The following SLC2A7 variants were observed in gnomAD, a reference collection of about 807,000 sequenced individuals.
SLC2A7 encodes solute carrier family 2 member 7.
SLC2A7 carries 50 observed loss-of-function variants against 50.5 expected under a neutral mutation model. The ratio of observed to expected loss-of-function variants is 0.99; its 90% CI spans 0.79 to 1.25. SLC2A7 has a LOEUF of 1.25. SLC2A7 is among the 50% of genes most tolerant of loss of function. The pLI is 0.00. For synonymous variants in SLC2A7, 308 were observed against 300.4 expected (o/e 1.03, Z -0.26); for missense variants, 683 against 679.1 (o/e 1.01, Z -0.06).
intron 2 of SLC2A7, among the ~76,000 whole-genome samples, chr1:9,024,060 T>C (rs1378443976): frequency 6.6e-6 from 1 of 151,996 alleles, no homozygotes; most frequent in East Asian, 1.9e-4. Context: ...TTCACCATGT[T>C]GGCCAGGCTG....
At chr1:9,009,094 A>T (rs1640702867) in intron 9 of SLC2A7, among the ~76,000 whole-genome samples, 1 of 152,206 alleles carries the variant, frequency 6.6e-6, no homozygotes, top group African/African-American at 2.4e-5. Flanking sequence ...AGGACAAGTC[A>T]TTGCAGAGAG....
chr1:9,018,989 C>T (rs1234035893), intron 4 of SLC2A7, among the ~76,000 whole-genome samples: 1 of 152,084 alleles, frequency 6.6e-6, no homozygotes, highest in Non-Finnish European at 1.5e-5. Context: ...TGAGATCAGC[C>T]TGGGCAACAC....
At chr1:9,010,845 T>C (rs552744532) in intron 8 of SLC2A7, among the ~76,000 whole-genome samples, 9 of 152,358 alleles carry the variant, frequency 5.9e-5, no homozygotes, top group African/African-American at 2.2e-4. Context: ...TTCTAGTTTC[T>C]GTGTTTGATG....
At chr1:9,006,660 A>G (rs772089368) in intron 10 of SLC2A7, among the ~76,000 whole-genome samples, 2 of 152,238 alleles carry the variant, frequency 1.3e-5, no homozygotes, top group Non-Finnish European at 2.9e-5. Flanking sequence ...GAATGAATTA[A>G]ATACCTTCAT....
At chr1:8,993,479 C>T in the SLC2A7 span, among the ~76,000 whole-genome samples, 1 of 152,124 alleles carries the variant, frequency 6.6e-6, no homozygotes, top group South Asian at 2.1e-4. Flanking sequence ...AAACTAAAAC[C>T]TCAGTGGCAC....
Position 9,007,355 on chromosome 1 carries a change from T to C in SLC2A7, c.1147A>G (p.Ile383Val). Residue 383 changes from isoleucine to valine, a missense_variant, in exon 10 of 12, where the codon ATC becomes GTC. Transcript: ENST00000400906. ...NRVPELSYLGIICVFAYIAGH... is the reference protein window; with the variant it reads ...NRVPELSYLGVICVFAYIAGH... The stretch of plus-strand genomic sequence containing the variant: ...GCGATGTAGGCAAAGACACAGATGA[T>C]GCCGAGGTAGGACAGCTCGGGGACC... 6.2e-7 allele frequency: 1 copy of C among 1,614,172 alleles called. No individual in the cohort carries two copies. The highest frequency in any genetic ancestry group is 1.3e-5 in the African/African-American group (1 of 75,052).
chr1:8,997,948 T>G, the SLC2A7 span, among the ~76,000 whole-genome samples: 4 of 152,244 alleles, frequency 2.6e-5, no homozygotes, highest in African/African-American at 9.6e-5. Context: ...AGAAGTTTTA[T>G]AATTTAAGGT....
At chr1:9,019,529 A>G (rs1378470739) in intron 3 of SLC2A7, among the ~76,000 whole-genome samples, 196 bp from the exon 4 acceptor site, 1 of 152,156 alleles carries the variant, frequency 6.6e-6, no homozygotes, top group Non-Finnish European at 1.5e-5. Context: ...GTGTGATGGG[A>G]TCAGCAGGAG....
At chr1:8,998,570 C>G (rs1052809437), downstream of SLC2A7, among the ~76,000 whole-genome samples, 1 of 152,090 alleles carries the variant, frequency 6.6e-6, no homozygotes, top group Non-Finnish European at 1.5e-5. Flanking sequence ...TAATATTATT[C>G]CCCCAAATTC....
At chr1:9,021,389 G>A (rs1240891086) in intron 3 of SLC2A7, among the ~76,000 whole-genome samples, 1 of 152,150 alleles carries the variant, frequency 6.6e-6, no homozygotes, top group South Asian at 2.1e-4. Context: ...GTCTGGGGGT[G>A]ATGAAGCTGT....
At chr1:9,013,483 C>A (rs936899312) in intron 8 of SLC2A7, 42 bp downstream of exon 8, 1 of 1,579,878 alleles carries the variant, frequency 6.3e-7, no homozygotes, top group African/African-American at 1.3e-5. Flanking sequence ...CGGCACCTGG[C>A]CAGAGACCCT....
At chr1:9,006,270 T>G (rs1020453951) in intron 10 of SLC2A7, among the ~76,000 whole-genome samples, 4 of 152,150 alleles carry the variant, frequency 2.6e-5, no homozygotes, top group Non-Finnish European at 5.9e-5. Flanking sequence ...TCCCCTTTAT[T>G]TTTTAGACAG....
At chr1:9,017,401 T>C (rs1355210609) in intron 5 of SLC2A7, among the ~76,000 whole-genome samples, 1 of 5,462 alleles carries the variant, frequency 1.8e-4, no homozygotes, top group East Asian at 6.8e-3. Context: ...TGGCTGTAGG[T>C]CATAAAAGGC....
intron 9 of SLC2A7, among the ~76,000 whole-genome samples, 188 bp from the exon 10 acceptor site, chr1:9,007,573 C>A (rs1239309735): frequency 6.6e-6 from 1 of 152,320 alleles, no homozygotes; most frequent in Non-Finnish European, 1.5e-5. Context: ...TAGCCTCCCA[C>A]AGGGCTCCCT....
chr1:9,025,620 G>A (rs568347747), intron 1 of SLC2A7, among the ~76,000 whole-genome samples: 1 of 152,060 alleles, frequency 6.6e-6, no homozygotes, highest in East Asian at 1.9e-4. Flanking sequence ...GTAAGCATCG[G>A]GGGGAAGAGC....
chr1:9,016,864 G>A (rs1478300330), intron 5 of SLC2A7, among the ~76,000 whole-genome samples: 3 of 151,912 alleles, frequency 2.0e-5, no homozygotes, highest in African/African-American at 4.8e-5. Flanking sequence ...TCTCCTGTTG[G>A]GGCTTTAAAA....
the SLC2A7 span, among the ~76,000 whole-genome samples, chr1:8,995,272 C>T: frequency 6.6e-6 from 1 of 151,234 alleles, no homozygotes; most frequent in East Asian, 2.0e-4. Context: ...CACCGTGAAA[C>T]CCCGTCTCTA....
rs1413459540 is a variant in SLC2A7, at chr1:9,014,691, C to T, written c.893G>A (p.Gly298Asp). Reference protein sequence around the residue: ...IVLMAGQQLSGINAINYYADT... With the variant: ...IVLMAGQQLSDINAINYYADT... The stretch of plus-strand genomic sequence containing the variant: ...CACCGTCCCACATACCGCATTGATG[C>T]CCGACAGCTGCTGGCCGGCCATGAG... The change falls in exon 7 of 12, where the codon GGC (glycine) becomes GAC (aspartate). Residue 298 changes from glycine (G) to aspartate (D), a missense_variant. Transcript: ENST00000400906. 1.3e-6 allele frequency: 2 copies of T among 1,556,866 alleles called. No homozygotes were observed. Among genetic ancestry groups the T allele is most frequent in the South Asian group, 1.2e-5 (1 of 84,486 alleles).
the SLC2A7 span, among the ~76,000 whole-genome samples, chr1:8,995,233 G>A: frequency 6.6e-6 from 1 of 151,626 alleles, no homozygotes; most frequent in African/African-American, 2.4e-5. Context: ...TGGATCACGA[G>A]ATCAGGAGAT....
Sources: gnomAD v4.1 joint callset for allele counts (sites outside exome capture counted in the v4.1 genomes callset) on GRCh38, gnomAD v4.1.1 for gene constraint, MANE v1.5 for transcripts, NCBI Gene and HGNC (gene_info 2026-07-23, HGNC 2026-07-21) for gene names.